Variants in ANKRD26 observed in about 807,000 individuals in gnomAD.
ANKRD26 encodes ankyrin repeat domain 26.
In ANKRD26, 141 loss-of-function variants were observed where a neutral mutation model predicts 208.7. The observed-to-expected ratio is 0.68, with a 90% CI of 0.59 to 0.78. ANKRD26 has a LOEUF of 0.78. Among genes scored for constraint, ANKRD26 ranks in the 30% least tolerant of loss-of-function variants. The pLI, the probability that ANKRD26 is intolerant of heterozygous loss-of-function variation, is 0.00. For synonymous variants in ANKRD26, 636 were observed against 660.4 expected, an observed-to-expected ratio of 0.96 and a Z score of 0.57; for missense variants, 1,889 against 1,938.7, an observed-to-expected ratio of 0.97 and a Z score of 0.48.
At chr10:27,037,135 A>G in intron 23 of ANKRD26, 51 bp downstream of exon 23, 1 of 1,581,684 alleles carries the variant, frequency 6.3e-7, no homozygotes, top group Non-Finnish European at 8.7e-7. Flanking sequence ...ATATACACAT[A>G]TAAATACATA....
intron 27 of ANKRD26, among the ~76,000 whole-genome samples, chr10:27,028,230 C>T (rs10764663): frequency 0.49 from 74,640 of 151,950 alleles, 20,388 homozygotes; most frequent in Non-Finnish European, 0.62. Flanking sequence ...AATTCCACAC[C>T]TGACCTCATG....
chr10:26,987,172 T>C (rs199650302), downstream of ANKRD26, among the ~76,000 whole-genome samples: 2,579 of 152,104 alleles, frequency 0.017, 159 homozygotes, highest in East Asian at 0.17. Flanking sequence ...CAGCAAACTA[T>C]TGCAAGGACA....
chr10:27,088,080 C>T lies in ANKRD26; in HGVS notation c.639-1471G>A, dbSNP rs975921965. On this transcript the variant is annotated intron_variant, in intron 4 of 33. Transcript: ENST00000376087. ...GAATTAAAGACGTGAGCCACTGCAC[C>T]TGGCCTCACTTTTATTTTAAGTTCC... Among the ~76,000 whole-genome samples, 11 of 152,328 alleles carry T rather than the reference C, an allele frequency of 7.2e-5. No individual in the cohort carries two copies. In the East Asian group the frequency reaches 1.2e-3, roughly 16 times the overall value.
downstream of ANKRD26, among the ~76,000 whole-genome samples, chr10:26,989,880 G>T (rs1338527251): frequency 6.6e-6 from 1 of 152,098 alleles, no homozygotes; most frequent in East Asian, 1.9e-4. Context: ...AGAGGAGGCG[G>T]GGTAAAGTGG....
chr10:26,965,387 T>C, the ANKRD26 span, among the ~76,000 whole-genome samples: 1 of 152,238 alleles, frequency 6.6e-6, no homozygotes, highest in South Asian at 2.1e-4. Context: ...GGGGAAAGGA[T>C]TCCATATTTA....
At chr10:27,048,701 T>C (rs1443076939) in intron 17 of ANKRD26, 100 bp downstream of exon 17, 3 of 1,284,196 alleles carry the variant, frequency 2.3e-6, no homozygotes, top group South Asian at 1.3e-5. Context: ...ATCCCTTGCA[T>C]AGTAAAAGTA....
Position 27,071,159 on chromosome 10 carries a change from A to ATTTTTTTT in ANKRD26, c.1078-3881_1078-3874dup, listed in dbSNP as rs71386906. 1.7e-4 allele frequency among the ~76,000 whole-genome samples: 15 copies of ATTTTTTTT among 85,838 alleles called. 1 individual carries two copies. The highest frequency in any genetic ancestry group is 5.6e-4 in the African/African-American group (11 of 19,594). 56.3% of individuals were successfully genotyped at this position (85,838 alleles called of 152,430 possible). A position where few individuals can be genotyped will look rare whatever the true frequency, so the allele number is the denominator to read the frequency against. On this transcript the variant is annotated intron_variant, in intron 9 of 33. Transcript: ENST00000376087. ...GCAGAAATAAACAATTGCTACATTC[A>ATTTTTTTT]TTTTTTTTTTTTTTTTTTTTTTTTG...
At chr10:27,032,635 C>CAAAAAAAAAA (rs68062291) in intron 25 of ANKRD26, among the ~76,000 whole-genome samples, 5 of 135,852 alleles carry the variant, frequency 3.7e-5, no homozygotes, top group Non-Finnish European at 7.9e-5. Flanking sequence ...GACTCTGTCT[C>CAAAAAAAAAA]AAAAAAAAAA....
At chr10:26,950,003 C>T in the ANKRD26 span, among the ~76,000 whole-genome samples, 1 of 152,136 alleles carries the variant, frequency 6.6e-6, no homozygotes, top group Non-Finnish European at 1.5e-5. Context: ...CAGCATTCTG[C>T]ATTTTTCTGA....
At chr10:27,055,510 G>GT (rs2054808743) in intron 15 of ANKRD26, among the ~76,000 whole-genome samples, 1 of 152,174 alleles carries the variant, frequency 6.6e-6, no homozygotes, top group South Asian at 2.1e-4. Flanking sequence ...ATTTATTACT[G>GT]TAGACCAGAT....
chr10:27,096,919 C>T (rs948106168), intron 1 of ANKRD26, among the ~76,000 whole-genome samples: 4 of 151,092 alleles, frequency 2.6e-5, no homozygotes, highest in African/African-American at 7.3e-5. Flanking sequence ...CGGTGGTTCA[C>T]GCCTGTAATC....
chr10:27,035,415 C>G lies in ANKRD26; in HGVS notation c.3035G>C (p.Arg1012Thr). The stretch of plus-strand genomic sequence containing the variant: ...ACGATCATGTATAGCAGCAGCCAAT[C>G]TAGAATGGTATGATTCAACTTCTGC... ...LEAEVESYHS[R>T]LAAAIHDRDQ... Residue 1012 changes from arginine to threonine, a missense_variant, in exon 24 of 34, where the codon AGA becomes ACA. Physicochemically the swap from Arg to Thr is moderately conservative, Grantham distance 71. Around this residue, in one of 3 missense-constraint regions of ANKRD26, gnomAD observed 1,272 missense variants for 1,273.8 expected, o/e 1.00. Transcript: ENST00000376087. 1.2e-6 allele frequency: 2 copies of G among 1,613,984 alleles called. No homozygotes were observed. Among genetic ancestry groups the G allele is most frequent in the Non-Finnish European group, 1.7e-6 (2 of 1,179,928 alleles).
chr10:27,071,820 C>A (rs970286765), intron 9 of ANKRD26, among the ~76,000 whole-genome samples: 5 of 152,204 alleles, frequency 3.3e-5, no homozygotes, highest in Admixed American at 6.5e-5. Flanking sequence ...AGCCCTAACT[C>A]CCCCCGCGCT....
At chr10:27,017,184 CAAT>C (rs1410371418) in intron 30 of ANKRD26, among the ~76,000 whole-genome samples, 1 of 152,108 alleles carries the variant, frequency 6.6e-6, no homozygotes, top group African/African-American at 2.4e-5. Context: ...AAAAAGTGAG[CAAT>C]GTAATTTAAG....
downstream of ANKRD26, among the ~76,000 whole-genome samples, chr10:26,973,671 T>G (rs1477100783): frequency 2.1e-5 from 3 of 142,196 alleles, no homozygotes; most frequent in Non-Finnish European, 3.1e-5. Context: ...TTTTTTTTTG[T>G]GAGGCAGAGT....
At chr10:27,013,733 G>A (rs1478272121) in intron 31 of ANKRD26, among the ~76,000 whole-genome samples, 1 of 152,042 alleles carries the variant, frequency 6.6e-6, no homozygotes, top group Admixed American at 6.6e-5. Flanking sequence ...TAGGCATCTG[G>A]CCCCAAGGAA....
intron 9 of ANKRD26, among the ~76,000 whole-genome samples, chr10:27,067,857 A>G (rs2055322098): frequency 1.3e-5 from 2 of 152,236 alleles, no homozygotes; most frequent in South Asian, 4.1e-4. Flanking sequence ...TGTGTCTATC[A>G]CATCATAGGC....
At chr10:26,991,154 C>T (rs967402072), downstream of ANKRD26, among the ~76,000 whole-genome samples, 1 of 152,152 alleles carries the variant, frequency 6.6e-6, no homozygotes, top group Non-Finnish European at 1.5e-5. Context: ...GGTCCCAGAC[C>T]TCAGCAAATC....
At chr10:26,966,438 A>C in the ANKRD26 span, among the ~76,000 whole-genome samples, 2 of 152,194 alleles carry the variant, frequency 1.3e-5, no homozygotes, top group Non-Finnish European at 2.9e-5. Context: ...CATTGAGAAC[A>C]CATGGATACA....
Sources: gnomAD v4.1 joint callset for allele counts (sites outside exome capture counted in the v4.1 genomes callset) on GRCh38, gnomAD v4.1.1 for gene constraint, gnomAD v4.1.1 regional missense constraint, MANE v1.5 for transcripts, NCBI Gene and HGNC (gene_info 2026-07-23, HGNC 2026-07-21) for gene names.